ZFX: variants seen among roughly 807,000 people sequenced by gnomAD.
The protein encoded by ZFX is zinc finger protein X-linked.
For missense variants in ZFX, 362 were observed against 628.3 expected (o/e 0.58, Z 4.53); for synonymous variants, 196 against 226.8 (o/e 0.86, Z 1.22).
Position 24,161,026 on chromosome X carries a change from A to G in ZFX, c.-29+8196A>G, listed in dbSNP as rs6629805. Among the ~76,000 whole-genome samples the G allele has an allele frequency of 0.043, 4,818 of 111,534 alleles. 357 individuals carry two copies. The East Asian group carries it at 0.48, about 11-fold the overall frequency. On this transcript the variant is annotated intron_variant, in intron 3 of 9. Transcript: ENST00000304543. ...CTCTGTGATATTTATTTCTAATTTT[A>G]TTGTATTATACTTGGGGAACATTGA...
At chrX:24,170,867 C>T (rs1235631929) in intron 3 of ZFX, among the ~76,000 whole-genome samples, 2 of 111,522 alleles carry the variant, frequency 1.8e-5, no homozygotes, top group Non-Finnish European at 3.8e-5. Context: ...CCACCTCGGC[C>T]TCCCACGGTG....
chrX:24,202,871 A>ACT (rs778522975), intron 5 of ZFX, among the ~76,000 whole-genome samples: 1 of 112,103 alleles, frequency 8.9e-6, no homozygotes, highest in East Asian at 2.8e-4. Flanking sequence ...GTCTTAAAAG[A>ACT]CTGAGTAATG....
At chrX:24,182,209 G>T (rs753443182) in intron 5 of ZFX, among the ~76,000 whole-genome samples, 1 of 111,157 alleles carries the variant, frequency 9.0e-6, no homozygotes, top group African/African-American at 3.3e-5. Flanking sequence ...TGAATTGCTT[G>T]TTGGTGGATG....
At chrX:24,184,857 G>T (rs1354245341) in intron 5 of ZFX, among the ~76,000 whole-genome samples, 1 of 111,829 alleles carries the variant, frequency 8.9e-6, no homozygotes, top group East Asian at 2.8e-4. Context: ...GAGCATTTGC[G>T]TGCACACATG....
chrX:24,166,685 T>C (rs981225390), intron 3 of ZFX, among the ~76,000 whole-genome samples: 31 of 111,650 alleles, frequency 2.8e-4, no homozygotes, highest in African/African-American at 9.8e-4. Context: ...TAAAAATGCA[T>C]AATGACTTCA....
At chrX:24,187,086 T>C (rs1169384815) in intron 5 of ZFX, among the ~76,000 whole-genome samples, 1 of 111,480 alleles carries the variant, frequency 9.0e-6, no homozygotes, top group Admixed American at 9.6e-5. Context: ...GAATTGAAAA[T>C]ATAGTTAGTT....
At chrX:24,180,925 C>A (rs1935630900) in intron 5 of ZFX, among the ~76,000 whole-genome samples, 1 of 112,042 alleles carries the variant, frequency 8.9e-6, no homozygotes, top group Non-Finnish European at 1.9e-5. Flanking sequence ...TATCTTCTTA[C>A]AACATACTTC....
chrX:24,160,401 C>T (rs959048468), intron 3 of ZFX, among the ~76,000 whole-genome samples: 15 of 106,007 alleles, frequency 1.4e-4, no homozygotes, highest in African/African-American at 4.9e-4. Flanking sequence ...CGGGTTCAAG[C>T]GATTCTCTTG....
intron 5 of ZFX, among the ~76,000 whole-genome samples, chrX:24,187,900 A>T (rs746946761): frequency 2.7e-5 from 3 of 111,555 alleles, no homozygotes; most frequent in Non-Finnish European, 3.8e-5. Context: ...GGGGCTGGGC[A>T]CGGTGACTCA....
At chrX:24,201,891 T>C (rs1284678734) in intron 5 of ZFX, among the ~76,000 whole-genome samples, 1 of 112,330 alleles carries the variant, frequency 8.9e-6, no homozygotes, top group Non-Finnish European at 1.9e-5. Context: ...GCAAAGACTT[T>C]AACCAGTTGG....
At chrX:24,163,656 G>A (rs1455153458) in intron 3 of ZFX, among the ~76,000 whole-genome samples, 1 of 106,201 alleles carries the variant, frequency 9.4e-6, no homozygotes, top group Admixed American at 1.0e-4. Context: ...GGGATTACAG[G>A]CATTAGTCAC....
chrX:24,153,972 C>G (rs1932519233), intron 3 of ZFX, among the ~76,000 whole-genome samples: 1 of 110,596 alleles, frequency 9.0e-6, no homozygotes, highest in African/African-American at 3.3e-5. Context: ...AAGGAGTAAC[C>G]CCTCCCACCA....
At chrX:24,206,855 G>T (rs770868110) in intron 5 of ZFX, among the ~76,000 whole-genome samples, 1 of 110,754 alleles carries the variant, frequency 9.0e-6, no homozygotes, top group African/African-American at 3.3e-5. Flanking sequence ...TCTGTTTTTA[G>T]AAGTCTTTAG....
At chrX:24,155,937 C>T (rs1440204158) in intron 3 of ZFX, among the ~76,000 whole-genome samples, 1 of 112,062 alleles carries the variant, frequency 8.9e-6, no homozygotes, top group Admixed American at 9.5e-5. Flanking sequence ...CTCTGTTGCC[C>T]AGGCTGGAGT....
intron 5 of ZFX, among the ~76,000 whole-genome samples, chrX:24,194,801 C>T (rs1013822029): frequency 3.8e-5 from 4 of 104,653 alleles, no homozygotes; most frequent in Non-Finnish European, 7.8e-5. Context: ...AGCTGGAGTG[C>T]AGTGGTGCTA....
intron 3 of ZFX, among the ~76,000 whole-genome samples, chrX:24,164,758 C>G (rs1411034656): frequency 9.1e-6 from 1 of 109,782 alleles, no homozygotes; most frequent in Non-Finnish European, 1.9e-5. Context: ...GTGGTGAAAC[C>G]CTGTCTCTAC....
At position 24,210,759 on chromosome X, in the gene ZFX, A is replaced by G; in HGVS notation, c.1801A>G (p.Lys601Glu). Residue 601 changes from lysine to glutamate, a missense_variant, in exon 10 of 10, where the codon AAA becomes GAA. Physicochemically the swap from Lys to Glu is moderately conservative, Grantham distance 56. Transcript: ENST00000304543. ...AACGCATGTCAAAACTAAGCATAGTAAAGAGATGCCATTCAAGTGTGACAT... is the reference window on the plus strand; with the variant it reads ...AACGCATGTCAAAACTAAGCATAGTGAAGAGATGCCATTCAAGTGTGACAT... ...LKTHVKTKHS[K>E]EMPFKCDICL... 8.3e-7 allele frequency: 1 copy of G among 1,212,010 alleles called. No individual in the cohort carries two copies. Among genetic ancestry groups the G allele is most frequent in the Non-Finnish European group, 1.1e-6 (1 of 895,585 alleles).
intron 5 of ZFX, among the ~76,000 whole-genome samples, chrX:24,205,531 T>C (rs1937538325): frequency 8.9e-6 from 1 of 112,462 alleles, no homozygotes; most frequent in African/African-American, 3.2e-5. Context: ...AGGACACTTA[T>C]TTTCTTGGCT....
rs944024073 is a variant in ZFX at position 24,213,762 on chromosome X, GT to G, written c.*2393del. On this transcript the variant is annotated 3_prime_UTR_variant, in exon 10 of 10. Transcript: ENST00000304543. ...CCTGCGATTCTTGAAAGCTCTGTCT[GT>G]TTTTTTGTGAGAACCTTTAAAATCT... 2 of 99,532 alleles carry G rather than the reference GT, an allele frequency of 2.0e-5. No homozygotes were observed. The highest frequency in any genetic ancestry group is 4.5e-4 in the South Asian group (1 of 2,201). 8.2% of individuals were successfully genotyped at this position (99,532 alleles called of 1,213,427 possible). A position where few individuals can be genotyped will look rare whatever the true frequency, so the allele number is the denominator to read the frequency against.
Sources: allele counts gnomAD v4.1 joint callset (sites outside exome capture counted in the v4.1 genomes callset), GRCh38; gene constraint gnomAD v4.1.1; transcripts MANE v1.5; gene names NCBI Gene and HGNC (gene_info 2026-07-23, HGNC 2026-07-21).